Variants in CCNJL observed in about 807,000 individuals in gnomAD.
CCNJL encodes the protein cyclin J like.
Under a neutral mutation model 33.4 loss-of-function variants are expected in CCNJL, and 33 were observed. That is an observed-to-expected ratio of 0.99 (90% confidence interval 0.75 to 1.32). The LOEUF (loss-of-function observed/expected upper bound fraction) is 1.32. Among genes scored for constraint, CCNJL ranks in the 40% most tolerant of loss-of-function variants. The pLI is 0.00. For missense variants in CCNJL, 512 were observed against 499.7 expected (o/e 1.02, Z -0.23); for synonymous variants, 227 against 220.9 (o/e 1.03, Z -0.24).
chr5:160,306,070 T>TA lies in CCNJL; in HGVS notation c.66+5787dup, dbSNP rs546400509. 1.8e-4 allele frequency among the ~76,000 whole-genome samples: 28 copies of TA among 152,152 alleles called. No homozygotes were observed. The East Asian group carries it at 4.8e-3, about 26-fold the overall frequency. ...GGGCGGATCACCTGAGGTCAGGAGTTAGAGACCAGCCTGGCCAACATGGTG... is the reference window on the plus strand; with the variant it reads ...GGGCGGATCACCTGAGGTCAGGAGTTAAGAGACCAGCCTGGCCAACATGGTG... On this transcript the variant is annotated intron_variant, in intron 2 of 5. Transcript: ENST00000257536.
intron 2 of CCNJL, among the ~76,000 whole-genome samples, chr5:160,310,476 G>A (rs1390226503): frequency 6.6e-6 from 1 of 152,198 alleles, no homozygotes; most frequent in African/African-American, 2.4e-5. Context: ...AAAACACTGA[G>A]TAGCTGGTGA....
At chr5:160,300,649 C>G (rs548868731) in intron 2 of CCNJL, among the ~76,000 whole-genome samples, 1 of 152,020 alleles carries the variant, frequency 6.6e-6, no homozygotes, top group African/African-American at 2.4e-5. Context: ...TGGACACCCC[C>G]GCTCTAGTCA....
intron 3 of CCNJL, among the ~76,000 whole-genome samples, chr5:160,271,751 A>G (rs1761841913): frequency 6.6e-6 from 1 of 152,252 alleles, no homozygotes; most frequent in Non-Finnish European, 1.5e-5. Context: ...GAAGAAAGAT[A>G]AGCAATAGTC....
intron 2 of CCNJL, among the ~76,000 whole-genome samples, chr5:160,307,654 G>A (rs1763133126): frequency 6.6e-6 from 1 of 152,122 alleles, no homozygotes. Flanking sequence ...CCTCCTTTTG[G>A]TTCAGGGAAG....
At chr5:160,280,493 A>G (rs1397608557) in intron 3 of CCNJL, 32 bp downstream of exon 3, 1 of 1,550,124 alleles carries the variant, frequency 6.5e-7, no homozygotes, top group Non-Finnish European at 8.9e-7. Flanking sequence ...GAGACCGCAC[A>G]AGCGCGGAGG....
At chr5:160,295,516 T>C (rs761294197) in intron 2 of CCNJL, among the ~76,000 whole-genome samples, 23 of 151,226 alleles carry the variant, frequency 1.5e-4, no homozygotes, top group Non-Finnish European at 2.8e-4. Context: ...GAAAATAGAG[T>C]CTTTACAGAT....
chr5:160,287,756 G>A (rs1398906849), intron 2 of CCNJL, among the ~76,000 whole-genome samples: 1 of 152,242 alleles, frequency 6.6e-6, no homozygotes, highest in Admixed American at 6.5e-5. Flanking sequence ...GCAGGAGCTT[G>A]GCAGGCATTC....
At chr5:160,320,256 C>T (rs1763423455) in intron 1 of CCNJL, among the ~76,000 whole-genome samples, 1 of 152,200 alleles carries the variant, frequency 6.6e-6, no homozygotes, top group Non-Finnish European at 1.5e-5. Context: ...GATGACATTG[C>T]TCTTTGGAGC....
At chr5:160,329,551 G>A (rs1382117480) in intron 1 of CCNJL, among the ~76,000 whole-genome samples, 9 of 151,938 alleles carry the variant, frequency 5.9e-5, no homozygotes, top group East Asian at 1.9e-4. Flanking sequence ...GGGTTTCACC[G>A]TGTTAGCCAG....
chr5:160,287,159 G>C (rs963134070), intron 2 of CCNJL, among the ~76,000 whole-genome samples: 4 of 152,166 alleles, frequency 2.6e-5, no homozygotes, highest in Non-Finnish European at 5.9e-5. Flanking sequence ...CCCTATCTGA[G>C]AAATGGGGGT....
At chr5:160,287,514 G>C (rs1270556701) in intron 2 of CCNJL, among the ~76,000 whole-genome samples, 1 of 152,204 alleles carries the variant, frequency 6.6e-6, no homozygotes, top group East Asian at 1.9e-4. Flanking sequence ...TGTTTAGTTT[G>C]AGAATCTAGC....
rs368615649 is a variant in CCNJL at position 160,257,161 on chromosome 5, C to T, written c.584-1453G>A. Among the ~76,000 whole-genome samples, 465 of 151,840 alleles carry T rather than the reference C, an allele frequency of 3.1e-3. 1 individual carries two copies. The highest frequency in any genetic ancestry group is 0.011 in the African/African-American group (442 of 41,408). ...TTTGAGACGAGCCTGAGCAACATGG[C>T]GAGACCCCATCTCTAAAAAAATTTA... is the stretch of plus-strand genomic sequence containing the variant. On this transcript the variant is annotated intron_variant, in intron 4 of 5. Transcript: ENST00000257536.
chr5:160,304,143 T>G (rs191471084), intron 2 of CCNJL, among the ~76,000 whole-genome samples: 4 of 152,292 alleles, frequency 2.6e-5, no homozygotes, highest in African/African-American at 9.6e-5. Context: ...ACAGATAAGG[T>G]GCACTGAGAC....
intron 2 of CCNJL, among the ~76,000 whole-genome samples, chr5:160,295,611 C>T (rs1218936299): frequency 6.6e-6 from 1 of 152,044 alleles, no homozygotes; most frequent in Non-Finnish European, 1.5e-5. Context: ...TAAACAGAGA[C>T]AGAGACACAG....
chr5:160,299,304 C>T (rs2113418062), intron 2 of CCNJL, among the ~76,000 whole-genome samples: 1 of 152,220 alleles, frequency 6.6e-6, no homozygotes, highest in South Asian at 2.1e-4. Context: ...TGCCTGCCAA[C>T]AGGCCCGGCT....
At chr5:160,304,143 T>C (rs191471084) in intron 2 of CCNJL, among the ~76,000 whole-genome samples, 1 of 152,174 alleles carries the variant, frequency 6.6e-6, no homozygotes. Context: ...ACAGATAAGG[T>C]GCACTGAGAC....
rs774766385 is a variant in CCNJL at position 160,255,672 on chromosome 5, G to A, written c.620C>T (p.Ala207Val). The A allele has an allele frequency of 2.5e-6, 4 of 1,613,974 alleles. No homozygotes were observed. Among genetic ancestry groups the A allele is most frequent in the Non-Finnish European group, 3.4e-6 (4 of 1,180,046 alleles). Residue 207 changes from alanine (A) to valine (V), a missense_variant, in exon 5 of 6, where the codon GCT becomes GTT. Transcript: ENST00000257536. ...IFYKFQPSVVAAACVGASRIC... is the reference protein window; with the variant it reads ...IFYKFQPSVVVAACVGASRIC... ...CCTGGAGGCCCCAACACAGGCCGCA[G>A]CGACCACAGAAGGCTGGAATTTGTA...
intron 2 of CCNJL, among the ~76,000 whole-genome samples, chr5:160,283,523 T>G (rs1231278197): frequency 2.6e-5 from 4 of 152,208 alleles, no homozygotes; most frequent in Non-Finnish European, 5.9e-5. Flanking sequence ...TATAGATTTG[T>G]GTGGTACAGG....
chr5:160,282,984 T>TATATAC (rs1554120746), intron 2 of CCNJL, among the ~76,000 whole-genome samples: 6 of 58,100 alleles, frequency 1.0e-4, no homozygotes, highest in South Asian at 6.9e-4. Flanking sequence ...TATATATATA[T>TATATAC]ATATATATAT....
Sources: gnomAD v4.1 joint callset for allele counts (sites outside exome capture counted in the v4.1 genomes callset) on GRCh38, gnomAD v4.1.1 for gene constraint, MANE v1.5 for transcripts, NCBI Gene and HGNC (gene_info 2026-07-23, HGNC 2026-07-21) for gene names.